The following SSBP3 variants were observed in gnomAD, a reference collection of about 807,000 sequenced individuals.
SSBP3 encodes single stranded DNA binding protein 3.
Under a neutral mutation model 69.6 loss-of-function variants are expected in SSBP3, and 5 were observed. The observed-to-expected ratio is 0.07, with a 90% CI of 0.04 to 0.15. The LOEUF is 0.15. Among genes scored for constraint, SSBP3 ranks in the 10% least tolerant of loss-of-function variants. SSBP3 has a pLI of 1.00. For missense variants in SSBP3, 312 were observed against 534.0 expected, an observed-to-expected ratio of 0.58 and a Z score of 4.10; for synonymous variants, 196 against 193.4, an observed-to-expected ratio of 1.01 and a Z score of -0.11.
At chr1:54,337,383 G>A (rs1204781599) in intron 4 of SSBP3, among the ~76,000 whole-genome samples, 1 of 151,578 alleles carries the variant, frequency 6.6e-6, no homozygotes, top group East Asian at 1.9e-4. Flanking sequence ...GAGGCGCAGG[G>A]ATCTTAGGGC....
intron 4 of SSBP3, among the ~76,000 whole-genome samples, chr1:54,376,896 C>G (rs543768333): frequency 6.6e-6 from 1 of 152,154 alleles, no homozygotes; most frequent in Non-Finnish European, 1.5e-5. Context: ...ACCCTGTGAC[C>G]AAGTCATGAC....
chr1:54,365,029 C>A (rs963237613), intron 4 of SSBP3, among the ~76,000 whole-genome samples: 2 of 152,128 alleles, frequency 1.3e-5, no homozygotes. Flanking sequence ...AGGCCCCAGG[C>A]CTGCACAGAG....
intron 4 of SSBP3, among the ~76,000 whole-genome samples, chr1:54,290,990 T>C (rs909677638): frequency 2.0e-5 from 3 of 152,056 alleles, no homozygotes; most frequent in African/African-American, 4.8e-5. Context: ...ACCACAAACA[T>C]GTCATAGTAG....
intron 14 of SSBP3, among the ~76,000 whole-genome samples, chr1:54,235,362 A>G (rs1000771610): frequency 1.4e-5 from 2 of 143,998 alleles, no homozygotes; most frequent in African/African-American, 5.2e-5. Context: ...GCTCACTGCA[A>G]CCTCCACCTC....
At chr1:54,337,022 A>C (rs1427040736) in intron 4 of SSBP3, among the ~76,000 whole-genome samples, 2 of 152,226 alleles carry the variant, frequency 1.3e-5, no homozygotes, top group Non-Finnish European at 2.9e-5. Flanking sequence ...TGGTATCTTG[A>C]CAGCTCTCAA....
intron 5 of SSBP3, among the ~76,000 whole-genome samples, chr1:54,259,570 A>G (rs372999822): frequency 1.3e-5 from 2 of 152,248 alleles, no homozygotes; most frequent in African/African-American, 2.4e-5. Context: ...AGAAAAATTC[A>G]AAATGTGCAC....
Position 54,323,000 on chromosome 1 carries a change from C to T in SSBP3, c.277-41473G>A, listed in dbSNP as rs80298554. Among the ~76,000 whole-genome samples the T allele has an allele frequency of 2.1e-3, 320 of 152,304 alleles. 1 individual carries two copies. The highest frequency in any genetic ancestry group is 7.4e-3 in the African/African-American group (308 of 41,562). ...ATGGGTTTCGTTCACTGAACTCTGA[C>T]CTATGATTTTCAAGGGAACTCAGGA... is the stretch of plus-strand genomic sequence containing the variant. On this transcript the variant is annotated intron_variant, in intron 4 of 17. Transcript: ENST00000610401.
At chr1:54,409,890 C>G (rs990304798), upstream of SSBP3, among the ~76,000 whole-genome samples, 1 of 152,206 alleles carries the variant, frequency 6.6e-6, no homozygotes, top group Non-Finnish European at 1.5e-5. Context: ...GTGAAGTCCC[C>G]TGCCCAAAGC....
intron 3 of SSBP3, among the ~76,000 whole-genome samples, chr1:54,402,361 T>C (rs1259309997): frequency 6.6e-6 from 1 of 152,186 alleles, no homozygotes; most frequent in Non-Finnish European, 1.5e-5. Flanking sequence ...GTTTCCTTTT[T>C]ACCACCCAAA....
chr1:54,240,069 TGTGTGTGTGTGTGTGTGTGCGCGCGCGC>T (rs1416054787), intron 13 of SSBP3, among the ~76,000 whole-genome samples: 3 of 25,602 alleles, frequency 1.2e-4, no homozygotes, highest in African/African-American at 6.3e-4. Flanking sequence ...TGTGTGTGTG[TGTGTGTGTGTGTGTGTGTGCGCGCGCGC>T]GCGTGTGCGT....
chr1:54,372,154 G>T (rs1647145757), intron 4 of SSBP3, among the ~76,000 whole-genome samples: 1 of 152,154 alleles, frequency 6.6e-6, no homozygotes, highest in African/African-American at 2.4e-5. Flanking sequence ...CACATGCCGT[G>T]TAAGCCCTGA....
At chr1:54,410,446 CA>C (rs1649959293), upstream of SSBP3, among the ~76,000 whole-genome samples, 1 of 152,220 alleles carries the variant, frequency 6.6e-6, no homozygotes, top group Non-Finnish European at 1.5e-5. Flanking sequence ...AGCTCTCTTT[CA>C]GTGCTCCTCA....
exon 1 of SSBP3, chr1:54,413,390 G>A (rs1439806609): frequency 6.6e-6 from 1 of 152,202 alleles, no homozygotes; most frequent in Non-Finnish European, 1.5e-5. Context: ...CTGCTTCAGG[G>A]TACAGCTTGA....
At chr1:54,407,991 C>A (rs1329757083), upstream of SSBP3, among the ~76,000 whole-genome samples, 1 of 152,034 alleles carries the variant, frequency 6.6e-6, no homozygotes, top group Non-Finnish European at 1.5e-5. Context: ...AGAAATGCCC[C>A]GCAGCAAAAG....
At chr1:54,403,163 C>T (rs213497) in intron 3 of SSBP3, among the ~76,000 whole-genome samples, 67,483 of 152,050 alleles carry the variant, frequency 0.44, 15,727 homozygotes, top group African/African-American at 0.58. Flanking sequence ...CACCACCGCC[C>T]GGGCCTAACA....
intron 4 of SSBP3, among the ~76,000 whole-genome samples, chr1:54,345,986 C>CAAA (rs74870023): frequency 3.8e-4 from 51 of 134,412 alleles, no homozygotes; most frequent in Admixed American, 2.1e-3. Flanking sequence ...CACAAAAATA[C>CAAA]AAAAAAAAAA....
At position 54,368,491 on chromosome 1, in the gene SSBP3, A is replaced by T. The variant is rs542406242; in HGVS notation, c.276+33370T>A. Among the ~76,000 whole-genome samples the T allele has an allele frequency of 2.1e-3, 312 of 151,916 alleles. 1 individual carries two copies. The highest frequency in any genetic ancestry group is 7.2e-3 in the African/African-American group (298 of 41,394). On this transcript the variant is annotated intron_variant, in intron 4 of 17. Coordinates refer to ENST00000610401, the Ensembl canonical transcript of SSBP3. ...CCCCACATTTAGGGAAAAAAAAAAA[A>T]TCAGAAACCAACTCACAACTCATTA...
chr1:54,286,735 A>G (rs1645496693), intron 4 of SSBP3: 1 of 152,254 alleles, frequency 6.6e-6, no homozygotes, highest in South Asian at 2.1e-4. Flanking sequence ...GGGTTCAAAC[A>G]GGGGGCCTCA....
At chr1:54,327,298 A>C (rs894831348) in intron 4 of SSBP3, among the ~76,000 whole-genome samples, 5 of 149,474 alleles carry the variant, frequency 3.3e-5, no homozygotes, top group African/African-American at 9.9e-5. Flanking sequence ...ACAACAAAAA[A>C]CCCCCCAAAA....
Sources: gnomAD v4.1 joint callset for allele counts (sites outside exome capture counted in the v4.1 genomes callset) on GRCh38, gnomAD v4.1.1 for gene constraint, MANE v1.5 for transcripts, NCBI Gene and HGNC (gene_info 2026-07-23, HGNC 2026-07-21) for gene names.